TNXB: variants seen among roughly 807,000 people sequenced by gnomAD.
The protein encoded by TNXB is tenascin XB.
In TNXB, 183 loss-of-function variants were observed where a neutral mutation model predicts 340.5. The ratio of observed to expected loss-of-function variants is 0.54; its 90% CI spans 0.48 to 0.61. TNXB has a LOEUF of 0.61. Ranked by LOEUF, TNXB falls within the 20% of genes least tolerant of loss-of-function variation. The pLI, the probability that TNXB is intolerant of heterozygous loss-of-function variation, is 0.00. For synonymous variants in TNXB, 2,121 were observed against 2,314.5 expected (o/e 0.92, Z 2.40); for missense variants, 4,613 against 5,446.4 (o/e 0.85, Z 4.82).
At chr6:32,065,385 T>C (rs753505956) in intron 18 of TNXB, among the ~76,000 whole-genome samples, 1 of 152,166 alleles carries the variant, frequency 6.6e-6, no homozygotes, top group African/African-American at 2.4e-5. Context: ...CACACTTCCT[T>C]TAAGTCTTTG....
rs77874906 is a variant in TNXB at position 32,087,107 on chromosome 6, G to C, written c.2780-989C>G. The C allele has an allele frequency of 0.048, 18,503 of 384,544 alleles. 639 individuals carry two copies. Among genetic ancestry groups the C allele is most frequent in the East Asian group, 0.11 (1,474 of 13,632 alleles). 23.8% of individuals were successfully genotyped at this position (384,544 alleles called of 1,614,324 possible). A position where few individuals can be genotyped will look rare whatever the true frequency, so the allele number is the denominator to read the frequency against. ...AATGGACTCGTGCTTTGTCCTGGGG[G>C]CCCCCTGGAGCCCCGGCCAGGTAGG... is the stretch of plus-strand genomic sequence containing the variant. On this transcript the variant is annotated intron_variant, in intron 6 of 43. Transcript: ENST00000644971. This position sits in a 1 kb window ranked among gnomAD's most constrained non-coding sequence, Gnocchi z 9.0.
Position 32,061,643 on chromosome 6 carries a change from C to T in TNXB, c.7246G>A (p.Glu2416Lys). 4.3e-6 allele frequency: 7 copies of T among 1,612,646 alleles called. No homozygotes were observed. The highest frequency in any genetic ancestry group is 5.9e-6 in the Non-Finnish European group (7 of 1,179,806). The part of the protein sequence containing the change: ...PEPPEEPLLG[E>K]LTVTGSSPDS... Reference sequence around the variant, plus strand: ...GGGGAGGATCCTGTCACTGTTAGCTCCCCCAGGAGCGGCTCCTCAGGGGGC... The same window carrying T: ...GGGGAGGATCCTGTCACTGTTAGCTTCCCCAGGAGCGGCTCCTCAGGGGGC... The change falls in exon 21 of 44, where the codon GAG (glutamate) becomes AAG (lysine). Residue 2416 changes from glutamate (E) to lysine (K), a missense_variant. By Grantham distance (56) the Glu-to-Lys change is moderately conservative. Coordinates refer to ENST00000644971, the MANE Select transcript of TNXB (RefSeq NM_001365276.2). This position sits in a 1 kb window ranked among gnomAD's most constrained non-coding sequence, Gnocchi z 4.4.
rs556400560 is a variant in TNXB, at chr6:32,070,206, G to A, written c.5199C>T (p.Ala1733=). The part of the protein sequence containing the change: ...ERSVTVTPLD[A]GRKYRFLLYG... ...AGAGGAGGAATCTGTACTTGCGGCC[G>A]GCATCCAGAGGGGTGACAGTGACAG... The change falls in exon 14 of 44, where the codon GCC becomes GCT. Residue 1733 remains alanine, a synonymous_variant. Transcript: ENST00000644971. The surrounding 1 kb of genome is among the most constrained non-coding windows in gnomAD (Gnocchi z 6.0). 23 of 1,611,734 alleles carry A rather than the reference G, an allele frequency of 1.4e-5. No individual in the cohort carries two copies. Among genetic ancestry groups the A allele is most frequent in the South Asian group, 3.3e-5 (3 of 90,676 alleles).
At position 32,087,798 on chromosome 6, in the gene TNXB, G is replaced by C. The variant is rs371680073; in HGVS notation, c.2779+987C>G. On this transcript the variant is annotated intron_variant, in intron 6 of 43. Coordinates refer to ENST00000644971, the MANE Select transcript of TNXB (RefSeq NM_001365276.2). The surrounding 1 kb of genome is among the most constrained non-coding windows in gnomAD (Gnocchi z 9.0). ...CCGTGCCGCGGAAACGGCTCAGCTC[G>C]GCCGTCAGGTTGCCCCAAGGCCGCC... 5 of 510,344 alleles carry C rather than the reference G, an allele frequency of 9.8e-6. No homozygotes were observed. The highest frequency in any genetic ancestry group is 1.9e-5 in the Non-Finnish European group (5 of 257,136). The allele number at this position is 510,344 out of a possible 1,614,324, so 31.6% of individuals were successfully genotyped here. A position where few individuals can be genotyped will look rare whatever the true frequency, so the allele number is the denominator to read the frequency against.
chr6:32,103,783 T>C (rs1418732053), intron 1 of TNXB, among the ~76,000 whole-genome samples: 1 of 144,632 alleles, frequency 6.9e-6, no homozygotes, highest in Non-Finnish European at 1.5e-5. Context: ...CAGGCTGGAG[T>C]GCAGTGGCAC....
intron 1 of TNXB, among the ~76,000 whole-genome samples, chr6:32,100,186 C>T (rs1450309772): frequency 2.0e-5 from 3 of 151,794 alleles, no homozygotes; most frequent in East Asian, 1.9e-4. Context: ...CTCACTGCAA[C>T]CTCCGTCTCC....
In TNXB at chr6:32,052,761, C is replaced by T. The variant is rs1411549996; in HGVS notation, c.9024G>A (p.Gly3008=). 4.3e-6 allele frequency: 7 copies of T among 1,613,612 alleles called. No individual in the cohort carries two copies. Among genetic ancestry groups the T allele is most frequent in the Non-Finnish European group, 5.9e-6 (7 of 1,179,858 alleles). The change falls in exon 26 of 44, where the codon GGG becomes GGA. Residue 3008 remains glycine (G), a synonymous_variant. Transcript: ENST00000644971. The surrounding 1 kb of genome is among the most constrained non-coding windows in gnomAD (Gnocchi z 4.7). ...TGTATTTGCACCCGGGCTCCAGGCC[C>T]CCCACGGTGACCTCGCTCTCCTCGC... The part of the protein sequence containing the change: ...VRGEESEVTV[G]GLEPGCKYKM...
Position 32,058,552 on chromosome 6 carries a change from G to A in TNXB, c.7493-162C>T, listed in dbSNP as rs1316972598. Among the ~76,000 whole-genome samples the A allele has an allele frequency of 6.6e-6, 1 of 151,844 alleles. No individual in the cohort carries two copies. The highest frequency in any genetic ancestry group is 1.5e-5 in the Non-Finnish European group (1 of 68,032). On this transcript the variant is annotated intron_variant, in intron 21 of 43. Transcript: ENST00000644971. The surrounding 1 kb of genome is among the most constrained non-coding windows in gnomAD (Gnocchi z 5.1). ...TTCAGTGACTCTTGGAATAAGAGCC[G>A]GTGAGGTATCCCCGAGCCCCCGGCC... is the stretch of plus-strand genomic sequence containing the variant.
intron 21 of TNXB, among the ~76,000 whole-genome samples, chr6:32,060,795 T>C (rs991309315): frequency 6.6e-6 from 1 of 151,892 alleles, no homozygotes; most frequent in Non-Finnish European, 1.5e-5. Flanking sequence ...TGTGCCACCA[T>C]GCTTGGCTAA....
chr6:32,098,514 CTT>C (rs1207851265), intron 1 of TNXB, among the ~76,000 whole-genome samples: 2 of 152,074 alleles, frequency 1.3e-5, no homozygotes, highest in African/African-American at 4.8e-5. Flanking sequence ...GAGTTTCACT[CTT>C]ATTGCCCAGG....
chr6:32,108,622 C>T lies in TNXB; in HGVS notation c.-9+559G>A, dbSNP rs1248982813. ...TTTCCTAAAGAGATCTCCCAGACCT[C>T]CCTCCCTGCAACTCTCACGCTGCCA... On this transcript the variant is annotated intron_variant, in intron 1 of 43. Coordinates refer to ENST00000644971, the MANE Select transcript of TNXB (RefSeq NM_001365276.2). The surrounding 1 kb of genome is among the most constrained non-coding windows in gnomAD (Gnocchi z 4.8). Among the ~76,000 whole-genome samples the T allele has an allele frequency of 3.3e-5, 5 of 152,088 alleles. No individual in the cohort carries two copies. The highest frequency in any genetic ancestry group is 7.4e-5 in the Non-Finnish European group (5 of 67,988).
chr6:32,046,335 C>G lies in TNXB; in HGVS notation c.10446G>C (p.Gln3482His). Residue 3482 changes from glutamine (Q) to histidine (H), a missense_variant, in exon 31 of 44, where the codon CAG becomes CAC. Gln to His is a conservative substitution (Grantham distance 24). This residue lies in a region of TNXB where 4,327 missense variants were observed against 4,859.4 expected (regional missense o/e 0.89). Transcript: ENST00000644971. This position sits in a 1 kb window ranked among gnomAD's most constrained non-coding sequence, Gnocchi z 6.9. ...AQGPFDSFVVQYRDTDGQPRA... is the reference protein window; with the variant it reads ...AQGPFDSFVVHYRDTDGQPRA... ...TGGGCTGCCCGTCCGTGTCCCTGTA[C>G]TGGACCACGAAGGAGTCAAAGGGGC... 6.2e-7 allele frequency: 1 copy of G among 1,606,012 alleles called. No individual in the cohort carries two copies. Among genetic ancestry groups the G allele is most frequent in the Non-Finnish European group, 8.5e-7 (1 of 1,177,760 alleles).
At chr6:32,057,990 G>A in intron 22 of TNXB, 68 bp downstream of exon 22, 1 of 1,508,940 alleles carries the variant, frequency 6.6e-7, no homozygotes, top group East Asian at 2.3e-5. Context: ...ATATGTATAG[G>A]AAAATGGTAG....
In TNXB at chr6:32,061,123, T is replaced by C. The variant is rs1323065213; in HGVS notation, c.7492+274A>G. Among the ~76,000 whole-genome samples, 1 of 151,930 alleles carries C rather than the reference T, an allele frequency of 6.6e-6. No individual in the cohort carries two copies. The highest frequency in any genetic ancestry group is 1.5e-5 in the Non-Finnish European group (1 of 68,046). Reference sequence around the variant, plus strand: ...GTGGTTATAACAAAGAATGCTGTTATTAAGATGGAAAGAAAGGAAAATTCT... The same window carrying C: ...GTGGTTATAACAAAGAATGCTGTTACTAAGATGGAAAGAAAGGAAAATTCT... On this transcript the variant is annotated intron_variant, in intron 21 of 43. Transcript: ENST00000644971. The surrounding 1 kb of genome is among the most constrained non-coding windows in gnomAD (Gnocchi z 4.4).
In TNXB at chr6:32,064,852, G is replaced by T. The variant is rs770116511; in HGVS notation, c.6810C>A (p.Arg2270=). ...AACCAACAGCAGACACGGGGCCCAC[G>T]CGCTGGCCACCGTGGAAGCCGTACA... is the stretch of plus-strand genomic sequence containing the variant. The part of the protein sequence containing the change: ...MNLYGFHGGQ[R]VGPVSAVGLT... The change falls in exon 19 of 44, where the codon CGC becomes CGA. Residue 2270 remains arginine, a synonymous_variant. Transcript: ENST00000644971. This position sits in a 1 kb window ranked among gnomAD's most constrained non-coding sequence, Gnocchi z 5.3. The T allele has an allele frequency of 6.2e-7, 1 of 1,611,214 alleles. No homozygotes were observed. The highest frequency in any genetic ancestry group is 1.1e-5 in the South Asian group (1 of 90,896).
Position 32,058,437 on chromosome 6 carries a change from A to C in TNXB, c.7493-47T>G. On this transcript the variant is annotated intron_variant, in intron 21 of 43. Coordinates refer to ENST00000644971, the MANE Select transcript of TNXB (RefSeq NM_001365276.2). This position sits in a 1 kb window ranked among gnomAD's most constrained non-coding sequence, Gnocchi z 5.1. Reference sequence around the variant, plus strand: ...TACAGAGTTTAAGGGTTTAAGGGCAACTTGCTTTGCTGGTGCTGTCAACAG... The same window carrying C: ...TACAGAGTTTAAGGGTTTAAGGGCACCTTGCTTTGCTGGTGCTGTCAACAG... 1 of 1,442,032 alleles carries C rather than the reference A, an allele frequency of 6.9e-7. No individual in the cohort carries two copies. Among genetic ancestry groups the C allele is most frequent in the South Asian group, 1.4e-5 (1 of 70,810 alleles). 89.3% of individuals were successfully genotyped at this position (1,442,032 alleles called of 1,614,324 possible). A position where few individuals can be genotyped will look rare whatever the true frequency, so the allele number is the denominator to read the frequency against.
In TNXB at chr6:32,043,893, C is replaced by G; in HGVS notation, c.11387-1G>C. On this transcript the variant is annotated splice_acceptor_variant, in intron 34 of 43. Transcript: ENST00000644971. LOFTEE classifies it high-confidence loss of function. ...TCCACCTGCACACTCTGAGGCTCCC[C>G]TGAAAACATTGGGGATCGAGGGTTA... is the stretch of plus-strand genomic sequence containing the variant. 6.2e-7 allele frequency: 1 copy of G among 1,613,654 alleles called. No individual in the cohort carries two copies. The highest frequency in any genetic ancestry group is 2.2e-5 in the East Asian group (1 of 44,866).
At chr6:32,086,685 C>T (rs1779798527) in intron 6 of TNXB, among the ~76,000 whole-genome samples, 1 of 152,294 alleles carries the variant, frequency 6.6e-6, no homozygotes, top group East Asian at 1.9e-4. Flanking sequence ...GAGAGACCAG[C>T]ATAAAGTGAG....
intron 4 of TNXB, chr6:32,093,126 C>T (rs1780154686): frequency 4.1e-6 from 2 of 483,868 alleles, no homozygotes; most frequent in South Asian, 3.7e-5. Context: ...TTCTTCTTTC[C>T]CTGAAATTTC....
Sources: allele counts gnomAD v4.1 joint callset (sites outside exome capture counted in the v4.1 genomes callset), GRCh38; gene constraint gnomAD v4.1.1; regional missense constraint gnomAD v4.1.1; non-coding constraint Gnocchi (gnomAD v3.1); transcripts MANE v1.5; gene names NCBI Gene and HGNC (gene_info 2026-07-23, HGNC 2026-07-21).